Variants in PTPRS observed in about 807,000 individuals in gnomAD.
PTPRS encodes protein tyrosine phosphatase receptor type S, also known as receptor-type tyrosine-protein phosphatase S.
A neutral mutation model predicts 215.3 loss-of-function variants in PTPRS; 63 were observed. That is an observed-to-expected ratio of 0.29 (90% CI 0.24 to 0.36). The LOEUF is 0.36. PTPRS is among the 10% of genes least tolerant of loss of function. The pLI, the probability that PTPRS is intolerant of heterozygous loss-of-function variation, is 1.00. For missense variants in PTPRS, 2,258 were observed against 2,825.8 expected, an observed-to-expected ratio of 0.80 and a Z score of 4.56; for synonymous variants, 1,404 against 1,191.4, an observed-to-expected ratio of 1.18 and a Z score of -3.68.
chr19:5,330,172 G>A (rs2050279581), intron 1 of PTPRS, among the ~76,000 whole-genome samples: 2 of 152,052 alleles, frequency 1.3e-5, no homozygotes, highest in African/African-American at 4.8e-5. Flanking sequence ...GCCCCCGAGT[G>A]ACTGCAGGGC....
At position 5,240,347 on chromosome 19, in the gene PTPRS, G is replaced by A; in HGVS notation, c.1571-15C>T. The A allele has an allele frequency of 1.3e-6, 2 of 1,577,258 alleles. No homozygotes were observed. Among genetic ancestry groups the A allele is most frequent in the South Asian group, 1.2e-5 (1 of 85,634 alleles). Reference sequence around the variant, plus strand: ...CTGGCCCGGCACTGTGGGGGTGCAGGGAGACAACTAGGAGTCGGGGAGCGT... The same window carrying A: ...CTGGCCCGGCACTGTGGGGGTGCAGAGAGACAACTAGGAGTCGGGGAGCGT... On this transcript the variant is annotated splice_polypyrimidine_tract_variant and intron_variant, in intron 11 of 37. Transcript: ENST00000262963.
chr19:5,212,638 G>C, intron 30 of PTPRS, 147 bp from the exon 31 acceptor site: 1 of 854,656 alleles, frequency 1.2e-6, no homozygotes, highest in Non-Finnish European at 1.8e-6. Flanking sequence ...GAGGTCAGGA[G>C]TTCGAGACCA....
At chr19:5,236,437 T>C (rs1599585409) in intron 13 of PTPRS, among the ~76,000 whole-genome samples, 1 of 152,226 alleles carries the variant, frequency 6.6e-6, no homozygotes, top group Non-Finnish European at 1.5e-5. Context: ...TGGTTGGGTA[T>C]GGCGGAAGCC....
In PTPRS at chr19:5,222,678, C is replaced by A; in HGVS notation, c.3103+11G>T. The A allele has an allele frequency of 6.4e-7, 1 of 1,556,592 alleles. No homozygotes were observed. The highest frequency in any genetic ancestry group is 1.2e-5 in the South Asian group (1 of 85,494). On this transcript the variant is annotated intron_variant, in intron 18 of 37. Coordinates refer to ENST00000262963, the MANE Select transcript of PTPRS (RefSeq NM_002850.4). ...GGTCCGGCTCTGGTGCAGGGGTCGCCGCGCGCCTACCTTGGTCCCGCAGGA... is the reference window on the plus strand; with the variant it reads ...GGTCCGGCTCTGGTGCAGGGGTCGCAGCGCGCCTACCTTGGTCCCGCAGGA...
chr19:5,323,633 G>A (rs1435606180), intron 1 of PTPRS, among the ~76,000 whole-genome samples: 3 of 152,276 alleles, frequency 2.0e-5, no homozygotes, highest in African/African-American at 4.8e-5. Context: ...GAGGAGGCCC[G>A]TGTGGCTGGA....
In PTPRS at chr19:5,229,476, C is replaced by T. The variant is rs1268360262; in HGVS notation, c.2349+15G>A. ...CCGGAGCCCGTCCCCGGCCCCGCCC[C>T]GGCCCCCCGCCCACCTGGGCATCGG... is the stretch of plus-strand genomic sequence containing the variant. On this transcript the variant is annotated intron_variant, in intron 15 of 37. Transcript: ENST00000262963. The T allele has an allele frequency of 2.8e-6, 4 of 1,408,790 alleles. No homozygotes were observed. The highest frequency in any genetic ancestry group is 3.2e-5 in the South Asian group (2 of 62,652). The allele number at this position is 1,408,790 out of a possible 1,614,324, so 87.3% of individuals were successfully genotyped here.
intron 1 of PTPRS, among the ~76,000 whole-genome samples, chr19:5,318,852 G>T (rs1690022115): frequency 1.3e-5 from 2 of 152,126 alleles, no homozygotes; most frequent in Non-Finnish European, 2.9e-5. Context: ...CCTGGCCTAG[G>T]CTGTCAGGGT....
At chr19:5,240,135 G>C (rs1487907924) in intron 12 of PTPRS, 64 bp downstream of exon 12, 1 of 1,428,548 alleles carries the variant, frequency 7.0e-7, no homozygotes, top group East Asian at 2.8e-5. Context: ...AGACAAGGCG[G>C]GCAGCGTCAG....
At position 5,240,188 on chromosome 19, in the gene PTPRS, C is replaced by A. The variant is rs545102488; in HGVS notation, c.1704+11G>T. On this transcript the variant is annotated intron_variant, in intron 12 of 37. Coordinates refer to ENST00000262963, the MANE Select transcript of PTPRS (RefSeq NM_002850.4). ...CCCAGGGCAGGCCAGCCCGTCCCCG[C>A]GCTGCCTCACCTCCCGGCCATGGTC... 10 of 1,531,112 alleles carry A rather than the reference C, an allele frequency of 6.5e-6. No individual in the cohort carries two copies. Among genetic ancestry groups the A allele is most frequent in the Non-Finnish European group, 8.8e-6 (10 of 1,138,034 alleles). The allele number at this position is 1,531,112 out of a possible 1,614,324, so 94.8% of individuals were successfully genotyped here. A position where few individuals can be genotyped will look rare whatever the true frequency, so the allele number is the denominator to read the frequency against.
chr19:5,271,106 T>A (rs978412565), intron 4 of PTPRS, among the ~76,000 whole-genome samples: 8 of 152,146 alleles, frequency 5.3e-5, no homozygotes, highest in Admixed American at 5.2e-4. Context: ...TGGAATAGCC[T>A]CATCTTGGGA....
In PTPRS at chr19:5,211,576, G is replaced by A. The variant is rs759827526; in HGVS notation, c.5234+14C>T. On this transcript the variant is annotated intron_variant, in intron 33 of 37. Coordinates refer to ENST00000262963, the MANE Select transcript of PTPRS (RefSeq NM_002850.4). ...CCTTCTGGGGCCCTGAGGTGGGAAA[G>A]GCATGGCACCTACCTGTAGCCATCA... 4 of 1,597,018 alleles carry A rather than the reference G, an allele frequency of 2.5e-6. No homozygotes were observed. In the African/African-American group the frequency reaches 4.0e-5, roughly 16 times the overall value.
chr19:5,221,201 A>T lies in PTPRS; in HGVS notation c.3254T>A (p.Leu1085His). The T allele has an allele frequency of 6.2e-7, 1 of 1,612,814 alleles. No homozygotes were observed. Among genetic ancestry groups the T allele is most frequent in the Non-Finnish European group, 8.5e-7 (1 of 1,179,650 alleles). ...LDVDGRTTKKLITHLKPHTFY... is the reference protein window; with the variant it reads ...LDVDGRTTKKHITHLKPHTFY... ...GGTGTGGGGCTTGAGGTGCGTGATG[A>T]GCTTCTTGGTGGTACGGCCATCCAC... Residue 1085 changes from leucine to histidine, a missense_variant, in exon 20 of 38, where the codon CTC becomes CAC. Physicochemically the swap from Leu to His is moderately conservative, Grantham distance 99. Transcript: ENST00000262963.
chr19:5,230,222 G>T (rs1425980579), intron 14 of PTPRS, among the ~76,000 whole-genome samples: 1 of 152,192 alleles, frequency 6.6e-6, no homozygotes, highest in Non-Finnish European at 1.5e-5. Flanking sequence ...TCTTCTCTGG[G>T]CTTAGGACAT....
In PTPRS at chr19:5,293,847, G is replaced by C. The variant is rs1176615465; in HGVS notation, c.-94-7613C>G. Among the ~76,000 whole-genome samples the C allele has an allele frequency of 6.6e-6, 1 of 152,146 alleles. No individual in the cohort carries two copies. The highest frequency in any genetic ancestry group is 2.4e-5 in the African/African-American group (1 of 41,442). On this transcript the variant is annotated intron_variant, in intron 1 of 37. Coordinates refer to ENST00000262963, the MANE Select transcript of PTPRS (RefSeq NM_002850.4). This position sits in a 1 kb window ranked among gnomAD's most constrained non-coding sequence, Gnocchi z 8.4. ...AGGCCCCCACCCTCGCCACAAGCCT[G>C]AGGAGGGGGCGGAGAGCACAGGGCC...
intron 1 of PTPRS, among the ~76,000 whole-genome samples, chr19:5,311,937 G>A (rs529354936): frequency 6.6e-6 from 1 of 152,276 alleles, no homozygotes; most frequent in East Asian, 1.9e-4. Flanking sequence ...CTACTGGGGA[G>A]GCTGAGGCAG....
chr19:5,290,191 C>T (rs2048695333), intron 1 of PTPRS, among the ~76,000 whole-genome samples: 1 of 152,206 alleles, frequency 6.6e-6, no homozygotes, highest in African/African-American at 2.4e-5. Flanking sequence ...CACTGCCCAC[C>T]ACTAGCTCAC....
At chr19:5,299,793 CT>C (rs1398774016) in intron 1 of PTPRS, among the ~76,000 whole-genome samples, 1 of 152,050 alleles carries the variant, frequency 6.6e-6, no homozygotes, top group African/African-American at 2.4e-5. Flanking sequence ...TCGCTTGAAC[CT>C]GGGAGGCGGA....
chr19:5,281,825 C>T (rs2047873902), intron 2 of PTPRS, among the ~76,000 whole-genome samples: 3 of 152,202 alleles, frequency 2.0e-5, no homozygotes, highest in Non-Finnish European at 4.4e-5. Flanking sequence ...CCAGAACACA[C>T]CCCTTGCCCC....
At chr19:5,213,528 G>T in intron 30 of PTPRS, among the ~76,000 whole-genome samples, 1 of 152,226 alleles carries the variant, frequency 6.6e-6, no homozygotes, top group East Asian at 1.9e-4. Context: ...ACATTTCATA[G>T]TTGTGGTCTG....
Sources: allele counts gnomAD v4.1 joint callset (sites outside exome capture counted in the v4.1 genomes callset), GRCh38; gene constraint gnomAD v4.1.1; non-coding constraint Gnocchi (gnomAD v3.1); transcripts MANE v1.5; gene names NCBI Gene and HGNC (gene_info 2026-07-23, HGNC 2026-07-21).